MCOLN2: variants seen among roughly 807,000 people sequenced by gnomAD.
MCOLN2 encodes mucolipin-2.
MCOLN2 carries 57 observed loss-of-function variants against 67.5 expected under a neutral mutation model. The observed-to-expected ratio is 0.84, with a 90% CI of 0.68 to 1.05. The LOEUF is 1.05. MCOLN2 is among the 50% of genes least tolerant of loss of function. The probability of loss-of-function intolerance (pLI) is 0.00; values close to 1 mark genes in which losing one functional copy is unlikely to be tolerated. For missense variants in MCOLN2, 620 were observed against 678.8 expected (o/e 0.91, Z 0.96); for synonymous variants, 246 against 233.3 (o/e 1.05, Z -0.50).
At position 84,939,696 on chromosome 1, in the gene MCOLN2, G is replaced by T; in HGVS notation, c.967C>A (p.Leu323Ile). The change falls in exon 9 of 14, where the codon CTA (leucine) becomes ATA (isoleucine). Residue 323 changes from leucine (L) to isoleucine (I), a missense_variant. Transcript: ENST00000370608. ...VLALRLRKRFLNFFLEKYKRP... is the reference protein window; with the variant it reads ...VLALRLRKRFINFFLEKYKRP... The stretch of plus-strand genomic sequence containing the variant: ...TTGTACTTCTCCAGGAAGAAATTTA[G>T]AAATCTCTATGGCAAACATTTAAAG... 6.2e-7 allele frequency: 1 copy of T among 1,613,904 alleles called. No individual in the cohort carries two copies. The highest frequency in any genetic ancestry group is 8.5e-7 in the Non-Finnish European group (1 of 1,179,918).
At chr1:84,989,539 T>C (rs188422559) in intron 1 of MCOLN2, among the ~76,000 whole-genome samples, 1 of 152,088 alleles carries the variant, frequency 6.6e-6, no homozygotes, top group African/African-American at 2.4e-5. Context: ...GAAAGAGTAT[T>C]CTCTCAAACT....
At chr1:84,970,944 T>C (rs1333030559) in intron 1 of MCOLN2, among the ~76,000 whole-genome samples, 1 of 152,290 alleles carries the variant, frequency 6.6e-6, no homozygotes. Context: ...TGATAACTGA[T>C]GTTAGCATTG....
chr1:84,965,343 C>G (rs1649323532), intron 2 of MCOLN2, among the ~76,000 whole-genome samples: 1 of 152,200 alleles, frequency 6.6e-6, no homozygotes, highest in Admixed American at 6.5e-5. Flanking sequence ...AGAATCTGTA[C>G]AGAGAGGCCC....
At chr1:84,981,025 T>G (rs1198577323) in intron 1 of MCOLN2, among the ~76,000 whole-genome samples, 1 of 152,162 alleles carries the variant, frequency 6.6e-6, no homozygotes, top group Non-Finnish European at 1.5e-5. Context: ...AAAGAAGACA[T>G]ACAAATCACA....
At chr1:84,942,011 C>T (rs914988071) in intron 7 of MCOLN2, among the ~76,000 whole-genome samples, 1 of 152,188 alleles carries the variant, frequency 6.6e-6, no homozygotes, top group African/African-American at 2.4e-5. Context: ...TACAGCCACA[C>T]TGATCTTCCT....
intron 13 of MCOLN2, 69 bp from the exon 14 acceptor site, chr1:84,926,790 AATACTCTAT>A (rs1661181581): frequency 1.6e-6 from 2 of 1,226,066 alleles, no homozygotes; most frequent in Admixed American, 3.9e-5. Flanking sequence ...GAGCAATAGG[AATACTCTAT>A]ATTCTAGGCC....
At chr1:84,969,292 T>G (rs940545437) in intron 1 of MCOLN2, among the ~76,000 whole-genome samples, 9 of 152,172 alleles carry the variant, frequency 5.9e-5, no homozygotes, top group African/African-American at 2.2e-4. Flanking sequence ...CAGAGGTGGC[T>G]GGGCACGGTG....
chr1:84,949,755 A>G (rs967963875), intron 6 of MCOLN2, among the ~76,000 whole-genome samples: 3 of 152,198 alleles, frequency 2.0e-5, no homozygotes, highest in African/African-American at 7.2e-5. Flanking sequence ...AGGCCAGGAG[A>G]GAATGAGATG....
Position 84,954,230 on chromosome 1 carries a change from C to G in MCOLN2, c.566-1700G>C, listed in dbSNP as rs145313420. ...GCCAGAAACAGGGCCCAGAGCTAAA[C>G]AGACAACTCAATAGACACAATATTT... On this transcript the variant is annotated intron_variant, in intron 4 of 13. Coordinates refer to ENST00000370608, the MANE Select transcript of MCOLN2 (RefSeq NM_153259.4). 8.8e-3 allele frequency among the ~76,000 whole-genome samples: 1,341 copies of G among 152,274 alleles called. 22 individuals carry two copies. Among genetic ancestry groups the G allele is most frequent in the African/African-American group, 0.031 (1,285 of 41,540 alleles).
intron 6 of MCOLN2, among the ~76,000 whole-genome samples, chr1:84,951,751 A>C (rs1182275623): frequency 6.6e-6 from 1 of 152,250 alleles, no homozygotes; most frequent in Non-Finnish European, 1.5e-5. Flanking sequence ...CTTCATCTTC[A>C]GAAGTAATGG....
intron 1 of MCOLN2, among the ~76,000 whole-genome samples, chr1:84,993,614 A>AGT (rs1571059349): frequency 9.1e-5 from 1 of 11,012 alleles, no homozygotes; most frequent in South Asian, 0.025. Flanking sequence ...GTTCTTAAAT[A>AGT]ATGTCTTTTT....
intron 4 of MCOLN2, among the ~76,000 whole-genome samples, chr1:84,953,550 C>CAAAAAAA (rs138750958): frequency 1.7e-5 from 2 of 118,368 alleles, no homozygotes; most frequent in African/African-American, 5.9e-5. Flanking sequence ...AACTCTATCT[C>CAAAAAAA]AAAAAAAAAA....
intron 1 of MCOLN2, among the ~76,000 whole-genome samples, chr1:84,970,615 A>G (rs775243771): frequency 5.9e-5 from 9 of 152,164 alleles, no homozygotes; most frequent in African/African-American, 9.7e-5. Flanking sequence ...CTCAGGAGGC[A>G]GAGGTTGCAG....
intron 6 of MCOLN2, 68 bp downstream of exon 6, chr1:84,952,175 T>A (rs1557643023): frequency 1.4e-5 from 14 of 1,020,728 alleles, no homozygotes; most frequent in Non-Finnish European, 1.2e-5. Flanking sequence ...CTGTGTTTTA[T>A]ACTCTGCATC....
chr1:84,992,728 T>A (rs1369537542), intron 1 of MCOLN2, among the ~76,000 whole-genome samples: 4 of 147,960 alleles, frequency 2.7e-5, no homozygotes, highest in Admixed American at 2.1e-4. Context: ...CCATAGTCTA[T>A]TAAGTCTGCA....
chr1:84,937,689 GCTA>G (rs1647504773), intron 11 of MCOLN2, 63 bp downstream of exon 11: 15 of 1,596,244 alleles, frequency 9.4e-6, no homozygotes, highest in Non-Finnish European at 1.2e-5. Context: ...GCAAGTAAGT[GCTA>G]GAAACCCACG....
chr1:84,931,696 C>T, intron 11 of MCOLN2, 128 bp from the exon 12 acceptor site: 4 of 751,938 alleles, frequency 5.3e-6, no homozygotes, highest in Admixed American at 5.2e-5. Flanking sequence ...TTTTAAGATG[C>T]TAGAACACCA....
chr1:84,947,002 A>C (rs373336976), intron 7 of MCOLN2, 31 bp downstream of exon 7: 173 of 1,013,226 alleles, frequency 1.7e-4, no homozygotes, highest in Non-Finnish European at 2.5e-4. Flanking sequence ...ATCATCTATA[A>C]TTCCCATGGG....
chr1:84,949,200 T>C (rs1453205987), intron 6 of MCOLN2, among the ~76,000 whole-genome samples: 2 of 152,216 alleles, frequency 1.3e-5, no homozygotes, highest in Non-Finnish European at 2.9e-5. Flanking sequence ...AATAACCCAG[T>C]TGAAATCTTC....
Sources: gnomAD v4.1 joint callset for allele counts (sites outside exome capture counted in the v4.1 genomes callset) on GRCh38, gnomAD v4.1.1 for gene constraint, MANE v1.5 for transcripts, NCBI Gene and HGNC (gene_info 2026-07-23, HGNC 2026-07-21) for gene names.